The following SLC6A11 variants were observed in gnomAD, a reference collection of about 807,000 sequenced individuals.
SLC6A11 encodes the protein sodium- and chloride-dependent GABA transporter 3.
In SLC6A11, 25 loss-of-function variants were observed where a neutral mutation model predicts 74.8. The observed-to-expected ratio is 0.33, with a 90% CI of 0.24 to 0.47. The LOEUF is 0.47. Ranked by LOEUF, SLC6A11 falls within the 20% of genes least tolerant of loss-of-function variation. SLC6A11 has a pLI of 1.00. For missense variants in SLC6A11, 574 were observed against 837.0 expected (o/e 0.69, Z 3.88); for synonymous variants, 330 against 330.2 (o/e 1.00, Z 0.01).
chr3:10,903,985 G>C (rs1195529320), intron 6 of SLC6A11, among the ~76,000 whole-genome samples: 1 of 152,262 alleles, frequency 6.6e-6, no homozygotes, highest in African/African-American at 2.4e-5. Flanking sequence ...GGAATGTGGA[G>C]AAAAGGTGAG....
chr3:10,853,755 A>C (rs1252537154), intron 5 of SLC6A11, among the ~76,000 whole-genome samples: 1 of 152,210 alleles, frequency 6.6e-6, no homozygotes, highest in African/African-American at 2.4e-5. Flanking sequence ...CTGACCATGG[A>C]TGTGAATCAC....
chr3:10,819,413 A>G, intron 1 of SLC6A11, 52 bp from the exon 2 acceptor site: 2 of 1,559,016 alleles, frequency 1.3e-6, no homozygotes, highest in Non-Finnish European at 8.7e-7. Flanking sequence ...TTCTTGAGCC[A>G]AGTATGAATC....
At chr3:10,876,928 C>T (rs952262404) in intron 6 of SLC6A11, among the ~76,000 whole-genome samples, 1 of 152,114 alleles carries the variant, frequency 6.6e-6, no homozygotes, top group Non-Finnish European at 1.5e-5. Context: ...CTTGGGTTCT[C>T]CTGGTTCTGC....
chr3:10,933,954 A>G (rs1575709567), intron 11 of SLC6A11, 112 bp from the exon 12 acceptor site: 2 of 693,648 alleles, frequency 2.9e-6, no homozygotes, highest in Admixed American at 2.2e-5. Context: ...AGATTCCTGC[A>G]GCAGTTTTTC....
chr3:10,933,771 C>G (rs9844469), intron 11 of SLC6A11, among the ~76,000 whole-genome samples: 3,748 of 152,294 alleles, frequency 0.025, 160 homozygotes, highest in African/African-American at 0.085. Flanking sequence ...ATCCCCACCC[C>G]TGATTGCCTT....
intron 4 of SLC6A11, among the ~76,000 whole-genome samples, chr3:10,835,978 C>A (rs1253970874): frequency 6.6e-6 from 1 of 152,220 alleles, no homozygotes; most frequent in Non-Finnish European, 1.5e-5. Context: ...AAGTTTAGAA[C>A]ATTTATATCC....
In SLC6A11 at chr3:10,873,574, CCTACCCTACG is replaced by C. The variant is rs1308713298; in HGVS notation, c.757-1383_757-1374del. The stretch of plus-strand genomic sequence containing the variant: ...CCTACCCTACCCTACCCTACCCTAC[CCTACCCTACG>C]CTATCCTATCCTATCCTATCCTATG... On this transcript the variant is annotated intron_variant, in intron 5 of 13. Coordinates refer to ENST00000254488, the MANE Select transcript of SLC6A11 (RefSeq NM_014229.3). 4.8e-5 allele frequency among the ~76,000 whole-genome samples: 6 copies of C among 123,992 alleles called. No homozygotes were observed. In the South Asian group the frequency reaches 1.4e-3, roughly 28 times the overall value. The allele number at this position is 123,992 out of a possible 152,430, so 81.3% of individuals were successfully genotyped here.
At chr3:10,817,098 C>G (rs1245585155) in intron 1 of SLC6A11, among the ~76,000 whole-genome samples, 1 of 152,168 alleles carries the variant, frequency 6.6e-6, no homozygotes, top group Non-Finnish European at 1.5e-5. Context: ...CTATTTTAAA[C>G]TGGGACTGGA....
In SLC6A11 at chr3:10,816,592, G is replaced by A; in HGVS notation, c.256+71G>A. ...TGGGGGCGGGGAGCCAGGGGCGAGCGCGAGACCCCCTCCCGCGCCTGCGTG... is the reference window on the plus strand; with the variant it reads ...TGGGGGCGGGGAGCCAGGGGCGAGCACGAGACCCCCTCCCGCGCCTGCGTG... On this transcript the variant is annotated intron_variant, in intron 1 of 13. Coordinates refer to ENST00000254488, the MANE Select transcript of SLC6A11 (RefSeq NM_014229.3). This position sits in a 1 kb window ranked among gnomAD's most constrained non-coding sequence, Gnocchi z 4.2. The A allele has an allele frequency of 2.1e-6, 3 of 1,413,006 alleles. No homozygotes were observed. The highest frequency in any genetic ancestry group is 2.8e-6 in the Non-Finnish European group (3 of 1,063,560). 87.5% of individuals were successfully genotyped at this position (1,413,006 alleles called of 1,614,324 possible).
chr3:10,887,234 T>C (rs982277830), intron 6 of SLC6A11, among the ~76,000 whole-genome samples: 1 of 151,206 alleles, frequency 6.6e-6, no homozygotes, highest in Non-Finnish European at 1.5e-5. Context: ...GATGGATAGA[T>C]AGATGCATGG....
chr3:10,859,847 A>G (rs1694682499), intron 5 of SLC6A11, among the ~76,000 whole-genome samples: 1 of 152,210 alleles, frequency 6.6e-6, no homozygotes, highest in African/African-American at 2.4e-5. Context: ...ACTTCCAATT[A>G]ATCTACTATC....
At chr3:10,841,350 T>C (rs1694434910) in intron 4 of SLC6A11, among the ~76,000 whole-genome samples, 1 of 152,036 alleles carries the variant, frequency 6.6e-6, no homozygotes, top group African/African-American at 2.4e-5. Flanking sequence ...GTCTCCGGAG[T>C]TGAGTGCCCC....
chr3:10,873,970 A>G (rs1029512613), intron 5 of SLC6A11, among the ~76,000 whole-genome samples: 1 of 139,302 alleles, frequency 7.2e-6, no homozygotes, highest in African/African-American at 3.3e-5. Context: ...ACGCTATGCT[A>G]TGCTACGCTA....
At chr3:10,866,087 G>T (rs1160658411) in intron 5 of SLC6A11, among the ~76,000 whole-genome samples, 1 of 152,210 alleles carries the variant, frequency 6.6e-6, no homozygotes, top group African/African-American at 2.4e-5. Flanking sequence ...GGTGTGAGCT[G>T]CCCAGTTTCA....
intron 9 of SLC6A11, among the ~76,000 whole-genome samples, chr3:10,927,121 G>A (rs1403370080): frequency 6.6e-6 from 1 of 152,224 alleles, no homozygotes; most frequent in African/African-American, 2.4e-5. Flanking sequence ...AGCCAGCCAA[G>A]TCCAATTCAA....
At chr3:10,857,750 A>G (rs1041600345) in intron 5 of SLC6A11, among the ~76,000 whole-genome samples, 8 of 152,174 alleles carry the variant, frequency 5.3e-5, no homozygotes, top group African/African-American at 1.9e-4. Context: ...TGTGACAAGG[A>G]TTTTGTAACA....
At chr3:10,834,785 C>T (rs112814948) in intron 4 of SLC6A11, among the ~76,000 whole-genome samples, 1 of 152,168 alleles carries the variant, frequency 6.6e-6, no homozygotes, top group African/African-American at 2.4e-5. Flanking sequence ...GAGTTTCCTC[C>T]TCTGTAGAAT....
At chr3:10,885,607 A>T (rs1372728664) in intron 6 of SLC6A11, among the ~76,000 whole-genome samples, 1 of 151,988 alleles carries the variant, frequency 6.6e-6, no homozygotes, top group African/African-American at 2.4e-5. Flanking sequence ...TAAAAAAAAA[A>T]AAAAAAAATC....
At chr3:10,836,209 T>A (rs1694364993) in intron 4 of SLC6A11, among the ~76,000 whole-genome samples, 1 of 152,250 alleles carries the variant, frequency 6.6e-6, no homozygotes, top group Non-Finnish European at 1.5e-5. Flanking sequence ...ATTGCTTTTG[T>A]AGCTGTATAA....
Sources: gnomAD v4.1 joint callset for allele counts (sites outside exome capture counted in the v4.1 genomes callset) on GRCh38, gnomAD v4.1.1 for gene constraint, Gnocchi (gnomAD v3.1) non-coding constraint, MANE v1.5 for transcripts, NCBI Gene and HGNC (gene_info 2026-07-23, HGNC 2026-07-21) for gene names.